The following CCDC91 variants were observed in gnomAD, a reference collection of about 807,000 sequenced individuals.
CCDC91 encodes the protein coiled-coil domain-containing protein 91.
A neutral mutation model predicts 63.2 loss-of-function variants in CCDC91; 48 were observed. The observed-to-expected ratio is 0.76, with a 90% CI of 0.60 to 0.97. The LOEUF is 0.97. CCDC91 is among the 50% of genes least tolerant of loss of function. CCDC91 has a pLI of 0.00. For missense variants in CCDC91, 500 were observed against 494.6 expected, an observed-to-expected ratio of 1.01 and a Z score of -0.10; for synonymous variants, 167 against 165.8, an observed-to-expected ratio of 1.01 and a Z score of -0.06.
At chr12:28,488,785 A>T (rs1033383799) in intron 12 of CCDC91, among the ~76,000 whole-genome samples, 7 of 151,932 alleles carry the variant, frequency 4.6e-5, no homozygotes, top group African/African-American at 1.7e-4. Context: ...CTTTCTGTGG[A>T]TCAGCAAGGT....
intron 3 of CCDC91, among the ~76,000 whole-genome samples, chr12:28,276,665 AT>A (rs371643378): frequency 2.6e-5 from 4 of 151,802 alleles, no homozygotes; most frequent in Non-Finnish European, 4.4e-5. Flanking sequence ...GGGGCAAATG[AT>A]TTTTTTCATT....
intron 8 of CCDC91, among the ~76,000 whole-genome samples, chr12:28,423,992 A>G (rs1483270870): frequency 2.0e-5 from 3 of 152,134 alleles, no homozygotes; most frequent in African/African-American, 7.2e-5. Flanking sequence ...GCATATTTGG[A>G]AGATTGTTTT....
At chr12:28,376,648 A>G (rs1592480196) in intron 7 of CCDC91, among the ~76,000 whole-genome samples, 1 of 151,814 alleles carries the variant, frequency 6.6e-6, no homozygotes, top group East Asian at 1.9e-4. Flanking sequence ...TTATAGCTTA[A>G]GGAATATGAT....
At chr12:28,308,465 A>G (rs186446905) in intron 6 of CCDC91, among the ~76,000 whole-genome samples, 368 of 152,060 alleles carry the variant, frequency 2.4e-3, no homozygotes, top group Admixed American at 5.1e-3. Context: ...TAGTCATGTC[A>G]TTATTCTGTT....
intron 8 of CCDC91, among the ~76,000 whole-genome samples, chr12:28,437,539 C>T (rs1288935673): frequency 6.6e-6 from 1 of 152,036 alleles, no homozygotes; most frequent in South Asian, 2.1e-4. Context: ...TTCTACCTTA[C>T]CTTTACAGCT....
intron 12 of CCDC91, among the ~76,000 whole-genome samples, chr12:28,527,896 A>T (rs761102936): frequency 1.3e-5 from 2 of 152,116 alleles, no homozygotes; most frequent in Non-Finnish European, 2.9e-5. Context: ...CAGGAGTCAC[A>T]GGCCTCACTC....
intron 1 of CCDC91, among the ~76,000 whole-genome samples, chr12:28,232,388 T>A (rs1944656743): frequency 6.6e-6 from 1 of 152,150 alleles, no homozygotes; most frequent in African/African-American, 2.4e-5. Flanking sequence ...GTTTGAATAT[T>A]GCAGGTACCA....
intron 1 of CCDC91, among the ~76,000 whole-genome samples, chr12:28,194,008 T>C (rs1270254328): frequency 1.3e-5 from 2 of 152,250 alleles, no homozygotes; most frequent in Non-Finnish European, 2.9e-5. Context: ...CCTTTCATTT[T>C]CTTAACAGTA....
chr12:28,248,240 G>A (rs1945888239), intron 1 of CCDC91, among the ~76,000 whole-genome samples: 1 of 152,152 alleles, frequency 6.6e-6, no homozygotes, highest in Non-Finnish European at 1.5e-5. Context: ...GAGGTTGGTG[G>A]GGGAGATGTT....
intron 12 of CCDC91, among the ~76,000 whole-genome samples, chr12:28,535,511 T>C (rs1224384972): frequency 2.0e-5 from 3 of 152,186 alleles, no homozygotes; most frequent in African/African-American, 4.8e-5. Flanking sequence ...GCAGATCTCT[T>C]AGGATAGCAT....
Position 28,422,916 on chromosome 12 carries a change from A to G in CCDC91, c.763-27245A>G, listed in dbSNP as rs1306454084. Among the ~76,000 whole-genome samples the G allele has an allele frequency of 3.3e-5, 5 of 152,092 alleles. No homozygotes were observed. In the East Asian group the frequency reaches 9.6e-4, roughly 29 times the overall value. ...ATTAGAACTTCTTAACTCCTGTTTA[A>G]TACTTTTTCTGTAATTCCAAGGTTG... On this transcript the variant is annotated intron_variant, in intron 8 of 12. Coordinates refer to ENST00000536442, the MANE Select transcript of CCDC91 (RefSeq NM_018318.5).
chr12:28,397,556 C>A (rs747862709), intron 8 of CCDC91, among the ~76,000 whole-genome samples: 30 of 151,924 alleles, frequency 2.0e-4, no homozygotes, highest in Non-Finnish European at 1.9e-4. Context: ...TGGAGACTAA[C>A]CTGTCTTAGG....
chr12:28,425,592 G>A (rs1024778980), intron 8 of CCDC91, among the ~76,000 whole-genome samples: 2 of 152,138 alleles, frequency 1.3e-5, no homozygotes, highest in Admixed American at 1.3e-4. Context: ...TTGTTCTATA[G>A]CAGTTAATGA....
intron 6 of CCDC91, among the ~76,000 whole-genome samples, chr12:28,357,086 A>G (rs1464062243): frequency 6.6e-6 from 1 of 152,218 alleles, no homozygotes; most frequent in African/African-American, 2.4e-5. Context: ...TTTAAAAGAA[A>G]GCCTTGGTTC....
At chr12:28,515,042 G>A (rs984754293) in intron 12 of CCDC91, among the ~76,000 whole-genome samples, 1 of 151,652 alleles carries the variant, frequency 6.6e-6, no homozygotes, top group African/African-American at 2.4e-5. Flanking sequence ...GGTGAAAATG[G>A]AGGGTCTAAT....
intron 8 of CCDC91, among the ~76,000 whole-genome samples, chr12:28,441,369 A>C (rs1253092245): frequency 1.3e-5 from 2 of 151,992 alleles, no homozygotes; most frequent in Non-Finnish European, 2.9e-5. Context: ...AAGTATGCAA[A>C]AGAAATAAAA....
intron 3 of CCDC91, among the ~76,000 whole-genome samples, chr12:28,274,741 G>A (rs927669680): frequency 6.6e-6 from 1 of 152,088 alleles, no homozygotes; most frequent in Admixed American, 6.6e-5. Flanking sequence ...GAGATTTTGG[G>A]CTGAGACGAT....
intron 6 of CCDC91, among the ~76,000 whole-genome samples, chr12:28,346,748 TC>T (rs1191795066): frequency 2.0e-5 from 3 of 152,146 alleles, no homozygotes; most frequent in African/African-American, 7.2e-5. Context: ...ATCTGGAAGC[TC>T]TCCAAACCCT....
chr12:28,458,320 C>T (rs890772322), intron 11 of CCDC91, among the ~76,000 whole-genome samples: 1 of 151,218 alleles, frequency 6.6e-6, no homozygotes, highest in African/African-American at 2.4e-5. Context: ...TCATCTAAGT[C>T]CTTTTTTCCT....
Sources: gnomAD v4.1 joint callset for allele counts (sites outside exome capture counted in the v4.1 genomes callset) on GRCh38, gnomAD v4.1.1 for gene constraint, MANE v1.5 for transcripts, NCBI Gene and HGNC (gene_info 2026-07-23, HGNC 2026-07-21) for gene names.